Variants in ST3GAL2 observed in about 807,000 individuals in gnomAD.
ST3GAL2 encodes CMP-N-acetylneuraminate-beta-galactosamide-alpha-2,3-sialyltransferase 2.
ST3GAL2 carries 16 observed loss-of-function variants against 37.5 expected under a neutral mutation model. The ratio of observed to expected loss-of-function variants is 0.43; its 90% confidence interval spans 0.29 to 0.65. ST3GAL2 has a LOEUF of 0.65. Ranked by LOEUF, ST3GAL2 falls within the 30% of genes least tolerant of loss-of-function variation. ST3GAL2 has a pLI of 0.17. For synonymous variants in ST3GAL2, 238 were observed against 202.9 expected (o/e 1.17, Z -1.47); for missense variants, 383 against 487.8 (o/e 0.79, Z 2.02).
Position 70,398,389 on chromosome 16 carries a change from C to T in ST3GAL2, c.142G>A (p.Val48Met), listed in dbSNP as rs556160118. ...DSGALDGTHRVKLVPGYAGLQ... is the reference protein window; with the variant it reads ...DSGALDGTHRMKLVPGYAGLQ... Reference sequence around the variant, plus strand: ...CCGGCATAGCCGGGCACCAGCTTCACCCGGTGCGTCCCATCCAGGGCCCCT... The same window carrying T: ...CCGGCATAGCCGGGCACCAGCTTCATCCGGTGCGTCCCATCCAGGGCCCCT... The change falls in exon 2 of 7, where the codon GTG becomes ATG. Residue 48 changes from valine (V) to methionine (M), a missense_variant. Coordinates refer to ENST00000342907, the MANE Select transcript of ST3GAL2 (RefSeq NM_006927.4). 1.2e-6 allele frequency: 2 copies of T among 1,613,620 alleles called. No individual in the cohort carries two copies. Among genetic ancestry groups the T allele is most frequent in the Admixed American group, 1.7e-5 (1 of 60,036 alleles).
intron 4 of ST3GAL2, among the ~76,000 whole-genome samples, chr16:70,387,616 T>C (rs1293529496): frequency 2.0e-5 from 3 of 152,086 alleles, no homozygotes; most frequent in African/African-American, 7.2e-5. Flanking sequence ...CAACTCTGAA[T>C]ATATAAGAAG....
At position 70,399,111 on chromosome 16, in the gene ST3GAL2, C is replaced by T. The variant is rs2047537846; in HGVS notation, c.-581G>A. 5.0e-6 allele frequency: 2 copies of T among 400,394 alleles called. No homozygotes were observed. Among genetic ancestry groups the T allele is most frequent in the Admixed American group, 8.7e-5 (2 of 23,026 alleles). The allele number at this position is 400,394 out of a possible 1,614,324, so 24.8% of individuals were successfully genotyped here. A position where few individuals can be genotyped will look rare whatever the true frequency, so the allele number is the denominator to read the frequency against. The stretch of plus-strand genomic sequence containing the variant: ...CTGCCAGAGGAGGGGAGCCAGACCC[C>T]AACCCTGAGAGGACAAAAACAGGAA... On this transcript the variant is annotated 5_prime_UTR_variant, in exon 2 of 7. Transcript: ENST00000342907.
intron 3 of ST3GAL2, among the ~76,000 whole-genome samples, chr16:70,392,838 G>A (rs1014913240): frequency 7.2e-5 from 11 of 152,104 alleles, no homozygotes; most frequent in Non-Finnish European, 5.9e-5. Flanking sequence ...AGGCTGGAGT[G>A]CAGTGGTGCC....
intron 1 of ST3GAL2, among the ~76,000 whole-genome samples, chr16:70,404,253 A>G (rs2047574093): frequency 6.6e-6 from 1 of 152,158 alleles, no homozygotes; most frequent in Non-Finnish European, 1.5e-5. Flanking sequence ...ACAGCCAATG[A>G]GGCAGGGGGA....
intron 2 of ST3GAL2, among the ~76,000 whole-genome samples, chr16:70,396,962 GTTTT>G (rs199929817): frequency 1.4e-5 from 2 of 144,548 alleles, no homozygotes; most frequent in African/African-American, 5.1e-5. Flanking sequence ...TTCATTGCTT[GTTTT>G]TTTTTAACTC....
intron 4 of ST3GAL2, among the ~76,000 whole-genome samples, chr16:70,383,487 G>A (rs1205737505): frequency 6.7e-6 from 1 of 148,418 alleles, no homozygotes; most frequent in African/African-American, 2.5e-5. Context: ...GGGAGGCTGA[G>A]GTTTCAGTGC....
At chr16:70,391,134 G>A (rs1408055562) in intron 3 of ST3GAL2, among the ~76,000 whole-genome samples, 1 of 152,194 alleles carries the variant, frequency 6.6e-6, no homozygotes, top group Non-Finnish European at 1.5e-5. Context: ...GGGCTCCCAA[G>A]CTGTCTTCCT....
chr16:70,381,929 G>T (rs1035705805), intron 6 of ST3GAL2, 67 bp from the exon 7 acceptor site: 1 of 1,591,798 alleles, frequency 6.3e-7, no homozygotes, highest in Non-Finnish European at 8.6e-7. Flanking sequence ...GGCGGGCTCG[G>T]GATGACAGGG....
intron 2 of ST3GAL2, among the ~76,000 whole-genome samples, chr16:70,397,779 T>C (rs749756924): frequency 1.3e-5 from 2 of 152,080 alleles, no homozygotes; most frequent in Non-Finnish European, 2.9e-5. Flanking sequence ...GTTCATAAAT[T>C]AGGATATTTA....
chr16:70,415,642 G>A (rs1295698843), intron 1 of ST3GAL2, among the ~76,000 whole-genome samples: 1 of 151,592 alleles, frequency 6.6e-6, no homozygotes, highest in African/African-American at 2.4e-5. Context: ...AGTAGAGATG[G>A]GGTTTCACCA....
In ST3GAL2 at chr16:70,419,434, G is replaced by C. The variant is rs79854298; in HGVS notation, c.-1004+19515C>G. Among the ~76,000 whole-genome samples the C allele has an allele frequency of 1.1e-3, 167 of 152,330 alleles. 1 individual carries two copies. The highest frequency in any genetic ancestry group is 3.6e-3 in the African/African-American group (149 of 41,574). On this transcript the variant is annotated intron_variant, in intron 1 of 6. Transcript: ENST00000342907. ...TAAGACAGGGGCCCCGGCAGCAGGG[G>C]AAGTGACTGCTTCAGTGGAAAGGAA...
Position 70,388,630 on chromosome 16 carries a change from T to A in ST3GAL2, c.534-84A>T, listed in dbSNP as rs1291282359. 2.7e-6 allele frequency: 4 copies of A among 1,469,094 alleles called. No homozygotes were observed. In the African/African-American group the frequency reaches 5.7e-5, roughly 21 times the overall value. 91.0% of individuals were successfully genotyped at this position (1,469,094 alleles called of 1,614,324 possible). A position where few individuals can be genotyped will look rare whatever the true frequency, so the allele number is the denominator to read the frequency against. On this transcript the variant is annotated intron_variant, in intron 3 of 6. Transcript: ENST00000342907. ...TTAGAGGACAGTTCGAAGCCATCCA[T>A]CAAAAATGCAAACGGGTGTATACTC...
In ST3GAL2 at chr16:70,399,397, T is replaced by A. The variant is rs939857997; in HGVS notation, c.-867A>T. 2.5e-6 allele frequency: 1 copy of A among 398,494 alleles called. No homozygotes were observed. Among genetic ancestry groups the A allele is most frequent in the Non-Finnish European group, 4.4e-6 (1 of 226,216 alleles). 24.7% of individuals were successfully genotyped at this position (398,494 alleles called of 1,614,324 possible). On this transcript the variant is annotated 5_prime_UTR_variant, in exon 2 of 7. Coordinates refer to ENST00000342907, the MANE Select transcript of ST3GAL2 (RefSeq NM_006927.4). ...GCTGAGCTCCCTACCAGGGTCCAGG[T>A]CTCCTTCCTAATACTCCTGGCCCAG...
intron 1 of ST3GAL2, among the ~76,000 whole-genome samples, chr16:70,421,659 G>C (rs950617940): frequency 6.6e-6 from 1 of 152,216 alleles, no homozygotes; most frequent in Non-Finnish European, 1.5e-5. Context: ...GATGTGAGGA[G>C]GTGGGGCCCA....
At chr16:70,431,097 G>A (rs971936464) in intron 1 of ST3GAL2, among the ~76,000 whole-genome samples, 2 of 151,218 alleles carry the variant, frequency 1.3e-5, no homozygotes, top group Non-Finnish European at 3.0e-5. Flanking sequence ...GAGGGGGCGT[G>A]GGGGAGGCAG....
intron 6 of ST3GAL2, 79 bp downstream of exon 6, chr16:70,382,726 G>A (rs2047414722): frequency 1.7e-5 from 27 of 1,591,750 alleles, no homozygotes; most frequent in Non-Finnish European, 2.2e-5. Context: ...ACATTCCTCT[G>A]TTAGCCTGCT....
intron 1 of ST3GAL2, among the ~76,000 whole-genome samples, chr16:70,432,960 GCT>G (rs1247331427): frequency 1.3e-5 from 2 of 152,236 alleles, no homozygotes; most frequent in Admixed American, 6.5e-5. Flanking sequence ...AGCCTCTGGG[GCT>G]CGGCGGCCCC....
chr16:70,429,609 G>T (rs1451031671), intron 1 of ST3GAL2, among the ~76,000 whole-genome samples: 5 of 120,814 alleles, frequency 4.1e-5, no homozygotes, highest in Admixed American at 3.9e-4. Context: ...AAAAAAAAAA[G>T]AGTGAATCCC....
At chr16:70,428,564 TG>T (rs2047767194) in intron 1 of ST3GAL2, among the ~76,000 whole-genome samples, 1 of 152,172 alleles carries the variant, frequency 6.6e-6, no homozygotes, top group South Asian at 2.1e-4. Flanking sequence ...GGGTGGGGCT[TG>T]GGGCCCATCT....
Sources: allele counts gnomAD v4.1 joint callset (sites outside exome capture counted in the v4.1 genomes callset), GRCh38; gene constraint gnomAD v4.1.1; transcripts MANE v1.5; gene names NCBI Gene and HGNC (gene_info 2026-07-23, HGNC 2026-07-21).